The following PASK variants were observed in gnomAD, a reference collection of about 807,000 sequenced individuals.
PASK encodes the protein PAS domain containing serine/threonine kinase.
A neutral mutation model predicts 121.0 loss-of-function variants in PASK; 110 were observed. The observed-to-expected ratio is 0.91, with a 90% CI of 0.78 to 1.06. The LOEUF (loss-of-function observed/expected upper bound fraction) is 1.06. Among genes scored for constraint, PASK ranks in the 50% least tolerant of loss-of-function variants. PASK has a pLI of 0.00. For synonymous variants in PASK, 686 were observed against 717.8 expected (o/e 0.96, Z 0.71); for missense variants, 1,643 against 1,702.3 (o/e 0.97, Z 0.61).
Position 241,127,511 on chromosome 2 carries a change from T to G in PASK, c.1464-60A>C, listed in dbSNP as rs74815602. The G allele has an allele frequency of 3.4e-3, 4,402 of 1,297,682 alleles. 113 individuals are homozygous for G. In the African/African-American group the frequency reaches 0.056, roughly 17 times the overall value. 80.4% of individuals were successfully genotyped at this position (1,297,682 alleles called of 1,614,324 possible). A position where few individuals can be genotyped will look rare whatever the true frequency, so the allele number is the denominator to read the frequency against. Reference sequence around the variant, plus strand: ...GCCACAGATGAGTCAAAAGGAGAGATTGCACCGATTCTCCATTAGAACTAA... The same window carrying G: ...GCCACAGATGAGTCAAAAGGAGAGAGTGCACCGATTCTCCATTAGAACTAA... On this transcript the variant is annotated intron_variant, in intron 9 of 17. Transcript: ENST00000234040.
At chr2:241,114,950 A>G in intron 14 of PASK, 93 bp downstream of exon 14, 3 of 1,604,178 alleles carry the variant, frequency 1.9e-6, no homozygotes, top group Non-Finnish European at 2.6e-6. Context: ...CAGCTCAGAG[A>G]GAGAACCGAG....
intron 9 of PASK, among the ~76,000 whole-genome samples, chr2:241,131,083 G>A (rs1438193026): frequency 6.6e-6 from 1 of 152,136 alleles, no homozygotes; most frequent in African/African-American, 2.4e-5. Flanking sequence ...ATTGGAAGAC[G>A]GCCAGGGGAA....
intron 6 of PASK, 37 bp downstream of exon 6, chr2:241,137,916 C>A (rs1481104399): frequency 6.2e-7 from 1 of 1,611,534 alleles, no homozygotes; most frequent in Non-Finnish European, 8.5e-7. Context: ...CTAAGAACTC[C>A]ACCCCATCAC....
chr2:241,148,163 A>T (rs953136212), intron 1 of PASK, among the ~76,000 whole-genome samples: 6 of 152,190 alleles, frequency 3.9e-5, no homozygotes, highest in Non-Finnish European at 8.8e-5. Context: ...AACCCAGCAG[A>T]CAGCACCTAA....
At position 241,108,790 on chromosome 2, in the gene PASK, G is replaced by A. The variant is rs2064990623; in HGVS notation, c.3534-490C>T. The A allele has an allele frequency of 3.7e-6, 1 of 268,740 alleles. No individual in the cohort carries two copies. The highest frequency in any genetic ancestry group is 2.2e-5 in the African/African-American group (1 of 45,676). 16.6% of individuals were successfully genotyped at this position (268,740 alleles called of 1,614,324 possible). A position where few individuals can be genotyped will look rare whatever the true frequency, so the allele number is the denominator to read the frequency against. On this transcript the variant is annotated intron_variant, in intron 15 of 17. Coordinates refer to ENST00000234040, the MANE Select transcript of PASK (RefSeq NM_015148.4). This position sits in a 1 kb window ranked among gnomAD's most constrained non-coding sequence, Gnocchi z 5.2. ...AAGATGGCTGTGGCGACGATGTGAA[G>A]GGTGCTGCAGGACGAGACTGAACAG...
chr2:241,122,596 C>G, intron 12 of PASK, 136 bp downstream of exon 12: 1 of 833,076 alleles, frequency 1.2e-6, no homozygotes, highest in Non-Finnish European at 2.1e-6. Context: ...CCGGAAACCG[C>G]CCACATGCCA....
rs780391515 is a variant in PASK at position 241,123,981 on chromosome 2, C to T, written c.2872G>A (p.Ala958Thr). The T allele has an allele frequency of 1.6e-5, 26 of 1,613,822 alleles. No individual in the cohort carries two copies. Among genetic ancestry groups the T allele is most frequent in the Non-Finnish European group, 1.9e-5 (23 of 1,179,990 alleles). Residue 958 changes from alanine to threonine, a missense_variant, in exon 11 of 18, where the codon GCT becomes ACT. Physicochemically the swap from Ala to Thr is moderately conservative, Grantham distance 58 (BLOSUM62 0). Transcript: ENST00000234040. Reference protein sequence around the residue: ...ASLPGSTHSTAAELTGPSLVE... With the variant: ...ASLPGSTHSTTAELTGPSLVE... ...AGGCTGGGTCCGGTGAGCTCAGCAG[C>T]GGTAGAGTGGGTGGAGCCGGGCAGG... is the stretch of plus-strand genomic sequence containing the variant.
intron 13 of PASK, 32 bp downstream of exon 13, chr2:241,115,256 A>T: frequency 6.2e-7 from 1 of 1,614,020 alleles, no homozygotes; most frequent in Non-Finnish European, 8.5e-7. Flanking sequence ...ACATGAGCCA[A>T]GTTAGGGTAT....
rs759690530 is a variant in PASK, at chr2:241,138,779, G to A, written c.616C>T (p.Arg206Cys). 1.8e-5 allele frequency: 29 copies of A among 1,613,914 alleles called. No homozygotes were observed. The highest frequency in any genetic ancestry group is 1.6e-4 in the Middle Eastern group (1 of 6,084). ...VFGTVVDIIS[R>C]SGEKIPVSVW... The stretch of plus-strand genomic sequence containing the variant: ...GACACTGGAATCTTCTCCCCACTAC[G>A]GCTGATGATGTCCACCTGTGGAAAC... The change falls in exon 5 of 18, where the codon CGT becomes TGT. Residue 206 changes from arginine to cysteine, a missense_variant. Coordinates refer to ENST00000234040, the MANE Select transcript of PASK (RefSeq NM_015148.4).
chr2:241,129,946 G>T (rs1032051569), intron 9 of PASK, among the ~76,000 whole-genome samples: 1 of 152,218 alleles, frequency 6.6e-6, no homozygotes, highest in Non-Finnish European at 1.5e-5. Flanking sequence ...GATGCCCAGT[G>T]TAACAATTCA....
rs753529193 is a variant in PASK at position 241,106,474 on chromosome 2, A to G, written c.*92T>C. ...TGAGTTTTTAGAAGGTGAATTGGGG[A>G]TGCTTCAGAATGTATTTTCTCCAAA... On this transcript the variant is annotated 3_prime_UTR_variant, in exon 18 of 18. Coordinates refer to ENST00000234040, the MANE Select transcript of PASK (RefSeq NM_015148.4). 12 of 1,309,324 alleles carry G rather than the reference A, an allele frequency of 9.2e-6. No homozygotes were observed. Among genetic ancestry groups the G allele is most frequent in the Non-Finnish European group, 1.3e-5 (12 of 904,640 alleles). The allele number at this position is 1,309,324 out of a possible 1,614,324, so 81.1% of individuals were successfully genotyped here. A position where few individuals can be genotyped will look rare whatever the true frequency, so the allele number is the denominator to read the frequency against.
At chr2:241,124,773 C>T (rs1187810834) in intron 10 of PASK, among the ~76,000 whole-genome samples, 5 of 152,056 alleles carry the variant, frequency 3.3e-5, no homozygotes, top group Non-Finnish European at 7.4e-5. Context: ...GTATTATTTA[C>T]AAAATTCTTT....
rs778603522 is a variant in PASK at position 241,137,040 on chromosome 2, T to C, written c.1101A>G (p.Thr367=). Residue 367 remains threonine (T), a synonymous_variant, in exon 7 of 18, where the codon ACA becomes ACG. Coordinates refer to ENST00000234040, the MANE Select transcript of PASK (RefSeq NM_015148.4). ...IHGINHSFAL[T]LFGYGKTELL... is the part of the protein sequence containing the mutation. ...GCTCCGTCTTTCCGTAACCAAACAG[T>C]GTCAGCGCGAAGCTGTGGTTGATGC... is the stretch of plus-strand genomic sequence containing the variant. 1.4e-5 allele frequency: 22 copies of C among 1,613,374 alleles called. No individual in the cohort carries two copies. Among genetic ancestry groups the C allele is most frequent in the South Asian group, 7.7e-5 (7 of 91,092 alleles).
chr2:241,137,561 G>A (rs2066497830), intron 6 of PASK, among the ~76,000 whole-genome samples: 1 of 152,204 alleles, frequency 6.6e-6, no homozygotes, highest in South Asian at 2.1e-4. Context: ...AGGGAGGACT[G>A]TGGGGCTCAG....
intron 12 of PASK, among the ~76,000 whole-genome samples, chr2:241,122,209 A>G (rs1423698473): frequency 6.6e-6 from 1 of 152,202 alleles, no homozygotes; most frequent in Admixed American, 6.5e-5. Context: ...AAATAGAAGA[A>G]GAAAATAAAA....
At chr2:241,122,559 T>C (rs900483459) in intron 12 of PASK, among the ~76,000 whole-genome samples, 173 bp downstream of exon 12, 9 of 152,194 alleles carry the variant, frequency 5.9e-5, no homozygotes, top group African/African-American at 2.2e-4. Context: ...TGTCAACGTG[T>C]GTGCTGCTGG....
chr2:241,137,357 T>C lies in PASK; in HGVS notation c.877-93A>G, dbSNP rs185710974. ...CGTCCGACCCGACTTCTACCCCACG[T>C]CATCGGGGAAGGTCCCCAGGACATC... On this transcript the variant is annotated intron_variant, in intron 6 of 17. Transcript: ENST00000234040. 4.3e-4 allele frequency: 435 copies of C among 1,007,114 alleles called. 6 individuals carry two copies. In the East Asian group the frequency reaches 5.7e-3, roughly 13 times the overall value. The allele number at this position is 1,007,114 out of a possible 1,614,324, so 62.4% of individuals were successfully genotyped here.
At chr2:241,129,541 GC>G (rs373065346) in intron 9 of PASK, among the ~76,000 whole-genome samples, 20 of 152,344 alleles carry the variant, frequency 1.3e-4, no homozygotes, top group African/African-American at 2.9e-4. Flanking sequence ...CGTGCTTAGG[GC>G]CAATTTGACC....
chr2:241,114,200 T>C, intron 14 of PASK: 6 of 985,024 alleles, frequency 6.1e-6, no homozygotes, highest in Non-Finnish European at 7.2e-6. Flanking sequence ...AGGTGACCCT[T>C]TTTTGCAGAA....
Sources: allele counts gnomAD v4.1 joint callset (sites outside exome capture counted in the v4.1 genomes callset), GRCh38; gene constraint gnomAD v4.1.1; non-coding constraint Gnocchi (gnomAD v3.1); transcripts MANE v1.5; gene names NCBI Gene and HGNC (gene_info 2026-07-23, HGNC 2026-07-21).